Variants in CDK18 observed in about 807,000 individuals in gnomAD.
CDK18 encodes the protein cyclin dependent kinase 18.
CDK18 carries 52 observed loss-of-function variants against 62.0 expected under a neutral mutation model. That is an observed-to-expected ratio of 0.84 (90% CI 0.67 to 1.06). The LOEUF (loss-of-function observed/expected upper bound fraction) is 1.06, where lower values mean the gene tolerates loss of function less well. Ranked by LOEUF, CDK18 falls within the 50% of genes least tolerant of loss-of-function variation. The pLI, the probability that CDK18 is intolerant of heterozygous loss-of-function variation, is 0.00. For synonymous variants in CDK18, 237 were observed against 247.0 expected (o/e 0.96, Z 0.38); for missense variants, 604 against 619.9 (o/e 0.97, Z 0.27).
intron 1 of CDK18, among the ~76,000 whole-genome samples, chr1:205,507,633 C>CAAAAAAAAAAA (rs56313401): frequency 1.4e-5 from 1 of 72,198 alleles, no homozygotes; most frequent in Non-Finnish European, 2.5e-5. Flanking sequence ...GACTCCGTCT[C>CAAAAAAAAAAA]AAAAAAAAAA....
At chr1:205,505,189 C>A (rs1355968555) in intron 1 of CDK18, among the ~76,000 whole-genome samples, 2 of 152,156 alleles carry the variant, frequency 1.3e-5, no homozygotes, top group Admixed American at 1.3e-4. Context: ...CGGAACCAGG[C>A]GCTTTCTAAG....
chr1:205,506,738 T>A (rs920297993), intron 1 of CDK18, among the ~76,000 whole-genome samples: 1 of 152,168 alleles, frequency 6.6e-6, no homozygotes, highest in African/African-American at 2.4e-5. Context: ...AGTTCTCTGG[T>A]CTGCGTCAGT....
intron 1 of CDK18, among the ~76,000 whole-genome samples, chr1:205,510,556 A>C (rs1667521805): frequency 6.6e-6 from 1 of 152,176 alleles, no homozygotes; most frequent in Non-Finnish European, 1.5e-5. Flanking sequence ...CAAACCTGGC[A>C]TGGCTCCTTC....
In CDK18 at chr1:205,532,279, A is replaced by C. The variant is rs1336814748; in HGVS notation, c.*901A>C. The C allele has an allele frequency of 6.6e-6, 1 of 152,636 alleles. No individual in the cohort carries two copies. Among genetic ancestry groups the C allele is most frequent in the African/African-American group, 2.4e-5 (1 of 41,432 alleles). The allele number at this position is 152,636 out of a possible 1,614,324, so 9.5% of individuals were successfully genotyped here. ...TATCATCCCAGGGCTCTGATTAGCC[A>C]GGCCTGGTCAGGGTCCTGGGGACGG... On this transcript the variant is annotated 3_prime_UTR_variant, in exon 16 of 16. Coordinates refer to ENST00000429964, the MANE Select transcript of CDK18 (RefSeq NM_212502.3).
At chr1:205,526,315 G>T (rs540441148) in intron 6 of CDK18, 52 bp from the exon 7 acceptor site, 5 of 1,504,338 alleles carry the variant, frequency 3.3e-6, no homozygotes, top group African/African-American at 2.7e-5. Flanking sequence ...AGAAAAGAGG[G>T]TATGGGGACA....
chr1:205,520,863 A>G (rs1668087444), intron 1 of CDK18, among the ~76,000 whole-genome samples: 1 of 152,064 alleles, frequency 6.6e-6, no homozygotes, highest in Non-Finnish European at 1.5e-5. Context: ...AAGCCTCCAG[A>G]TTAGATCTCT....
intron 7 of CDK18, 96 bp from the exon 8 acceptor site, chr1:205,526,679 C>A (rs1403969016): frequency 2.4e-6 from 3 of 1,246,076 alleles, no homozygotes; most frequent in Non-Finnish European, 2.4e-6. Context: ...TGGGCGTGGG[C>A]CCTTCCCAGG....
At chr1:205,525,845 C>T (rs1323185363) in intron 5 of CDK18, among the ~76,000 whole-genome samples, 4 of 152,174 alleles carry the variant, frequency 2.6e-5, no homozygotes, top group Non-Finnish European at 4.4e-5. Context: ...GGGCACGCGG[C>T]GTGCTGGGGC....
At chr1:205,522,937 G>T (rs1242633766) in intron 1 of CDK18, 3 of 555,550 alleles carry the variant, frequency 5.4e-6, no homozygotes, top group Middle Eastern at 4.8e-4. Context: ...AGTGCTGAGG[G>T]TCACTGGGAG....
chr1:205,518,225 A>G (rs989403497), intron 1 of CDK18, among the ~76,000 whole-genome samples: 1 of 151,942 alleles, frequency 6.6e-6, no homozygotes, highest in Non-Finnish European at 1.5e-5. Flanking sequence ...ACTTGTCACC[A>G]TCCATCATAC....
At chr1:205,510,114 C>G (rs1667496769) in intron 1 of CDK18, among the ~76,000 whole-genome samples, 1 of 151,978 alleles carries the variant, frequency 6.6e-6, no homozygotes, top group African/African-American at 2.4e-5. Flanking sequence ...CTCCCTCACT[C>G]TGAACACTGT....
In CDK18 at chr1:205,523,692, G is replaced by A. The variant is rs752679057; in HGVS notation, c.273+67G>A. The A allele has an allele frequency of 8.7e-6, 13 of 1,499,732 alleles. No individual in the cohort carries two copies. In the South Asian group the frequency reaches 1.6e-4, roughly 18 times the overall value. 92.9% of individuals were successfully genotyped at this position (1,499,732 alleles called of 1,614,324 possible). ...CACGCACAAGGGTGTGCACAGGAGG[G>A]CAGCTGCCTTACAGCCAGACTTTGT... On this transcript the variant is annotated intron_variant, in intron 3 of 15. Transcript: ENST00000429964.
In CDK18 at chr1:205,526,163, C is replaced by T; in HGVS notation, c.555C>T (p.Cys185=). 6.2e-7 allele frequency: 1 copy of T among 1,613,690 alleles called. No homozygotes were observed. The highest frequency in any genetic ancestry group is 8.5e-7 in the Non-Finnish European group (1 of 1,179,690). ...TGGAGCACGAGGAGGGAGCGCCCTG[C>T]ACTGCCATCCGAGAGGGTACAGCAT... The part of the protein sequence containing the change: ...IRLEHEEGAP[C]TAIREVSLLK... The change falls in exon 6 of 16, where the codon TGC becomes TGT. Residue 185 remains cysteine (C), a synonymous_variant. Coordinates refer to ENST00000429964, the MANE Select transcript of CDK18 (RefSeq NM_212502.3).
intron 1 of CDK18, among the ~76,000 whole-genome samples, chr1:205,511,926 C>T (rs1286494335): frequency 3.3e-5 from 5 of 152,108 alleles, no homozygotes; most frequent in African/African-American, 9.7e-5. Flanking sequence ...TGGTGTCGTG[C>T]GCTTGTAGTC....
At chr1:205,530,607 C>T in intron 14 of CDK18, 21 bp from the exon 15 acceptor site, 1 of 1,610,796 alleles carries the variant, frequency 6.2e-7, no homozygotes, top group East Asian at 2.2e-5. Flanking sequence ...CCTCTCCAGA[C>T]TATGCACTTC....
At position 205,527,774 on chromosome 1, in the gene CDK18, T is replaced by G. The variant is rs367812120; in HGVS notation, c.730-20T>G. ...CTCAGGGCCACCTTCCACCCCACAT[T>G]TCTCTTCCCCCTCCCCCAGATTTTC... On this transcript the variant is annotated intron_variant, in intron 8 of 15. Coordinates refer to ENST00000429964, the MANE Select transcript of CDK18 (RefSeq NM_212502.3). The surrounding 1 kb of genome is among the most constrained non-coding windows in gnomAD (Gnocchi z 4.1). The G allele has an allele frequency of 6.2e-7, 1 of 1,612,908 alleles. No individual in the cohort carries two copies. Among genetic ancestry groups the G allele is most frequent in the Non-Finnish European group, 8.5e-7 (1 of 1,179,296 alleles).
At chr1:205,522,693 A>C (rs1244046289) in intron 1 of CDK18, 1 of 154,342 alleles carries the variant, frequency 6.5e-6, no homozygotes, top group Non-Finnish European at 1.4e-5. Flanking sequence ...CTTGGACACA[A>C]GTTGGTAAAT....
intron 1 of CDK18, among the ~76,000 whole-genome samples, chr1:205,515,537 C>G (rs1667777355): frequency 6.6e-6 from 1 of 152,148 alleles, no homozygotes; most frequent in African/African-American, 2.4e-5. Flanking sequence ...AAAGTTAAGT[C>G]TAGGACGCTG....
At chr1:205,526,667 A>G (rs1668447809) in intron 7 of CDK18, 108 bp from the exon 8 acceptor site, 2 of 1,118,268 alleles carry the variant, frequency 1.8e-6, no homozygotes, top group Non-Finnish European at 2.7e-6. Flanking sequence ...CTGTCCCACT[A>G]GTGGGCGTGG....
Sources: allele counts gnomAD v4.1 joint callset (sites outside exome capture counted in the v4.1 genomes callset), GRCh38; gene constraint gnomAD v4.1.1; non-coding constraint Gnocchi (gnomAD v3.1); transcripts MANE v1.5; gene names NCBI Gene and HGNC (gene_info 2026-07-23, HGNC 2026-07-21).